The following FZD4 variants were observed in gnomAD, a reference collection of about 807,000 sequenced individuals.
The protein encoded by FZD4 is frizzled class receptor 4.
Under a neutral mutation model 37.3 loss-of-function variants are expected in FZD4, and 16 were observed. That is an observed-to-expected ratio of 0.43 (90% CI 0.29 to 0.65). FZD4 has a LOEUF of 0.65. Among genes scored for constraint, FZD4 ranks in the 30% least tolerant of loss-of-function variants. The pLI is 0.16. For missense variants in FZD4, 599 were observed against 674.3 expected, an observed-to-expected ratio of 0.89 and a Z score of 1.24; for synonymous variants, 246 against 254.8, an observed-to-expected ratio of 0.97 and a Z score of 0.33.
chr11:86,948,803 CATT>C lies in FZD4; in HGVS notation c.*2336_*2338del, dbSNP rs1949265383. ...TGCCTTGGTCACACAATCACTGACA[CATT>C]ATGAAGAAAACTGCATTACAAACCT... On this transcript the variant is annotated 3_prime_UTR_variant, in exon 2 of 2. Coordinates refer to ENST00000531380, the MANE Select transcript of FZD4 (RefSeq NM_012193.4). The C allele has an allele frequency of 6.6e-6, 1 of 152,512 alleles. No homozygotes were observed. The highest frequency in any genetic ancestry group is 1.9e-4 in the East Asian group (1 of 5,190). 9.4% of individuals were successfully genotyped at this position (152,512 alleles called of 1,614,324 possible). A position where few individuals can be genotyped will look rare whatever the true frequency, so the allele number is the denominator to read the frequency against.
In FZD4 at chr11:86,951,219, T is replaced by G; in HGVS notation, c.1537A>C (p.Asn513His). The change falls in exon 2 of 2, where the codon AAT (asparagine) becomes CAT (histidine). Residue 513 changes from asparagine to histidine, a missense_variant. Physicochemically the swap from Asn to His is moderately conservative, Grantham distance 68 (BLOSUM62 1). Transcript: ENST00000531380. Reference protein sequence around the residue: ...TWQKCSNRLVNSGKVKREKRG... With the variant: ...TWQKCSNRLVHSGKVKREKRG... Reference sequence around the variant, plus strand: ...TTCTCTCTCTTTACCTTTCCAGAATTCACCAATCTGTTGGAACACTTCTGC... The same window carrying G: ...TTCTCTCTCTTTACCTTTCCAGAATGCACCAATCTGTTGGAACACTTCTGC... 6.2e-7 allele frequency: 1 copy of G among 1,614,086 alleles called. No individual in the cohort carries two copies. Among genetic ancestry groups the G allele is most frequent in the Non-Finnish European group, 8.5e-7 (1 of 1,179,952 alleles).
At chr11:86,954,165 A>AT (rs1949317217) in intron 1 of FZD4, 1 of 842,162 alleles carries the variant, frequency 1.2e-6, no homozygotes, top group Non-Finnish European at 1.4e-6. Flanking sequence ...TATGCTTTAC[A>AT]TTTTTTAATG....
rs532417375 is a variant in FZD4 at position 86,955,097 on chromosome 11, G to T, written c.-12C>A. The T allele has an allele frequency of 8.5e-4, 1,268 of 1,486,708 alleles. 22 individuals are homozygous for T. In the South Asian group the frequency reaches 0.016, roughly 19 times the overall value. The allele number at this position is 1,486,708 out of a possible 1,614,324, so 92.1% of individuals were successfully genotyped here. ...CCCCGCCAGGCCATGGCCAGCATCGGGGGTAGCAGCGGCAGCGGCTGGGGC... is the reference window on the plus strand; with the variant it reads ...CCCCGCCAGGCCATGGCCAGCATCGTGGGTAGCAGCGGCAGCGGCTGGGGC... On this transcript the variant is annotated 5_prime_UTR_variant, in exon 1 of 2. Transcript: ENST00000531380.
At chr11:86,953,687 G>A (rs1006052830) in intron 1 of FZD4, among the ~76,000 whole-genome samples, 13 of 151,792 alleles carry the variant, frequency 8.6e-5, no homozygotes, top group East Asian at 5.8e-4. Flanking sequence ...TGCAATCCCC[G>A]CTCACTGCAA....
chr11:86,951,630 A>C lies in FZD4; in HGVS notation c.1126T>G (p.Leu376Val), dbSNP rs562056288. The change falls in exon 2 of 2, where the codon TTG (leucine) becomes GTG (valine). Residue 376 changes from leucine (L) to valine (V), a missense_variant. Physicochemically the swap from Leu to Val is conservative, Grantham distance 32. Transcript: ENST00000531380. Reference protein sequence around the residue: ...RLVDADELTGLCYVGNQNLDA... With the variant: ...RLVDADELTGVCYVGNQNLDA... The stretch of plus-strand genomic sequence containing the variant: ...AGATTTTGGTTTCCAACATAGCACA[A>C]GCCAGTCAGTTCATCTGCATCCACC... The C allele has an allele frequency of 6.2e-7, 1 of 1,614,208 alleles. No homozygotes were observed. The highest frequency in any genetic ancestry group is 1.3e-5 in the African/African-American group (1 of 75,060).
Position 86,946,549 on chromosome 11 carries a change from C to T in FZD4, c.*4593G>A, listed in dbSNP as rs1949244517. The T allele has an allele frequency of 6.6e-6, 1 of 152,276 alleles. No homozygotes were observed. The highest frequency in any genetic ancestry group is 2.1e-4 in the South Asian group (1 of 4,824). 9.4% of individuals were successfully genotyped at this position (152,276 alleles called of 1,614,324 possible). A position where few individuals can be genotyped will look rare whatever the true frequency, so the allele number is the denominator to read the frequency against. On this transcript the variant is annotated 3_prime_UTR_variant, in exon 2 of 2. Transcript: ENST00000531380. ...CGGGGGATCTGTAAGTCATTTGTCT[C>T]CTGGTACTGTCAAGTGTGTAATCAC...
chr11:86,951,306 A>T lies in FZD4; in HGVS notation c.1450T>A (p.Ser484Thr). ...CCTGAAGTGATGCCCACCAACAAAG[A>T]CATAAAAATTTTCAACATTTCAACA... ...MAVEMLKIFM[S>T]LLVGITSGMW... is the part of the protein sequence containing the mutation. Residue 484 changes from serine to threonine, a missense_variant, in exon 2 of 2, where the codon TCT becomes ACT. Physicochemically the swap from Ser to Thr is moderately conservative, Grantham distance 58. This residue lies in a region of FZD4 where 203 missense variants were observed against 196.8 expected (regional missense o/e 1.03). Transcript: ENST00000531380. 1.9e-6 allele frequency: 3 copies of T among 1,614,186 alleles called. No individual in the cohort carries two copies. The highest frequency in any genetic ancestry group is 2.5e-6 in the Non-Finnish European group (3 of 1,180,008).
chr11:86,953,818 T>C (rs1400265826), intron 1 of FZD4, among the ~76,000 whole-genome samples: 2 of 152,168 alleles, frequency 1.3e-5, no homozygotes, highest in African/African-American at 2.4e-5. Flanking sequence ...GATTTCGCCA[T>C]GTTGGTCAGG....
Position 86,950,981 on chromosome 11 carries a change from ATGC to A in FZD4, c.*158_*160del. 1 of 743,510 alleles carries A rather than the reference ATGC, an allele frequency of 1.3e-6. No individual in the cohort carries two copies. The highest frequency in any genetic ancestry group is 2.3e-6 in the Non-Finnish European group (1 of 435,328). 46.1% of individuals were successfully genotyped at this position (743,510 alleles called of 1,614,324 possible). ...CTGCAGCAAAATCATTGGTTTTTTG[ATGC>A]TGGGGTCGGGGTGGGAGGCAGTGGG... On this transcript the variant is annotated 3_prime_UTR_variant, in exon 2 of 2. Transcript: ENST00000531380.
chr11:86,954,765 AG>A, intron 1 of FZD4, 35 bp downstream of exon 1: 1 of 1,568,428 alleles, frequency 6.4e-7, no homozygotes, highest in Non-Finnish European at 8.6e-7. Context: ...TCCCTCCCCA[AG>A]GGGTCCCGCC....
rs1949261930 is a variant in FZD4 at position 86,948,392 on chromosome 11, T to C, written c.*2750A>G. 6.6e-6 allele frequency: 1 copy of C among 152,060 alleles called. No homozygotes were observed. Among genetic ancestry groups the C allele is most frequent in the South Asian group, 2.1e-4 (1 of 4,816 alleles). The allele number at this position is 152,060 out of a possible 1,614,324, so 9.4% of individuals were successfully genotyped here. A position where few individuals can be genotyped will look rare whatever the true frequency, so the allele number is the denominator to read the frequency against. On this transcript the variant is annotated 3_prime_UTR_variant, in exon 2 of 2. Transcript: ENST00000531380. ...GTCGGCACTCAATAAATAAAATAAC[T>C]GATTTTTTTAACAAATACCGATTTA... is the stretch of plus-strand genomic sequence containing the variant.
Position 86,947,995 on chromosome 11 carries a change from C to T in FZD4, c.*3147G>A, listed in dbSNP as rs1658827007. 1 of 152,240 alleles carries T rather than the reference C, an allele frequency of 6.6e-6. No homozygotes were observed. Among genetic ancestry groups the T allele is most frequent in the South Asian group, 2.1e-4 (1 of 4,832 alleles). The allele number at this position is 152,240 out of a possible 1,614,324, so 9.4% of individuals were successfully genotyped here. On this transcript the variant is annotated 3_prime_UTR_variant, in exon 2 of 2. Coordinates refer to ENST00000531380, the MANE Select transcript of FZD4 (RefSeq NM_012193.4). ...CAAGTCACATGGAATACCCCAAGCC[C>T]TGAATTGCCGGCAAAGCCAAAGCAG... is the stretch of plus-strand genomic sequence containing the variant.
At position 86,955,370 on chromosome 11, in the gene FZD4, C is replaced by T; in HGVS notation, c.-285G>A. 1 of 321,030 alleles carries T rather than the reference C, an allele frequency of 3.1e-6. No homozygotes were observed. The highest frequency in any genetic ancestry group is 5.1e-5 in the East Asian group (1 of 19,482). The allele number at this position is 321,030 out of a possible 1,614,324, so 19.9% of individuals were successfully genotyped here. ...CCGTTCGGCGTCTCCGCGAGGCCAG[C>T]CAGCAGCCAGCGCTGCGCAGCTCTC... On this transcript the variant is annotated 5_prime_UTR_variant, in exon 1 of 2. Transcript: ENST00000531380.
At chr11:86,954,746 T>C in intron 1 of FZD4, 55 bp downstream of exon 1, 1 of 1,543,776 alleles carries the variant, frequency 6.5e-7, no homozygotes, top group Non-Finnish European at 8.7e-7. Context: ...GCAAAGTTAG[T>C]TTGGAGCGTC....
rs556037440 is a variant in FZD4 at position 86,947,894 on chromosome 11, T to C, written c.*3248A>G. The C allele has an allele frequency of 1.3e-5, 2 of 152,280 alleles. No homozygotes were observed. The highest frequency in any genetic ancestry group is 2.1e-4 in the South Asian group (1 of 4,822). 9.4% of individuals were successfully genotyped at this position (152,280 alleles called of 1,614,324 possible). A position where few individuals can be genotyped will look rare whatever the true frequency, so the allele number is the denominator to read the frequency against. ...CTGAGGAAGCTACAATCATACCCATTTACTGTAGGTTTCAGAGAAAGAAAA... is the reference window on the plus strand; with the variant it reads ...CTGAGGAAGCTACAATCATACCCATCTACTGTAGGTTTCAGAGAAAGAAAA... On this transcript the variant is annotated 3_prime_UTR_variant, in exon 2 of 2. Transcript: ENST00000531380.
rs759772249 is a variant in FZD4, at chr11:86,951,954, C to G, written c.802G>C (p.Ala268Pro). The G allele has an allele frequency of 1.2e-6, 2 of 1,613,728 alleles. No homozygotes were observed. The highest frequency in any genetic ancestry group is 1.7e-6 in the Non-Finnish European group (2 of 1,179,732). The change falls in exon 2 of 2, where the codon GCT becomes CCT. Residue 268 changes from alanine (A) to proline (P), a missense_variant. Ala to Pro is a conservative substitution (Grantham distance 27). This residue lies in a region of FZD4 where 357 missense variants were observed against 396.1 expected (regional missense o/e 0.90). Transcript: ENST00000531380. ...CCTACAGTCAGCCTGACAATATAAGCAATGCTATAAATATTATAGCACATA... is the reference window on the plus strand; with the variant it reads ...CCTACAGTCAGCCTGACAATATAAGGAATGCTATAAATATTATAGCACATA... ...LSMCYNIYSI[A>P]YIVRLTVGRE...
chr11:86,955,336 C>T lies in FZD4; in HGVS notation c.-251G>A. On this transcript the variant is annotated 5_prime_UTR_variant, in exon 1 of 2. Coordinates refer to ENST00000531380, the MANE Select transcript of FZD4 (RefSeq NM_012193.4). ...AGGCGGCGAGCCCACAAGCCGGCGC[C>T]GGCCGCGTCCGTTCGGCGTCTCCGC... is the stretch of plus-strand genomic sequence containing the variant. 1 of 380,620 alleles carries T rather than the reference C, an allele frequency of 2.6e-6. No homozygotes were observed. The highest frequency in any genetic ancestry group is 4.6e-6 in the Non-Finnish European group (1 of 215,318). 23.6% of individuals were successfully genotyped at this position (380,620 alleles called of 1,614,324 possible).
In FZD4 at chr11:86,951,419, A is replaced by C; in HGVS notation, c.1337T>G (p.Val446Gly). The C allele has an allele frequency of 6.2e-7, 1 of 1,612,876 alleles. No homozygotes were observed. The highest frequency in any genetic ancestry group is 8.5e-7 in the Non-Finnish European group (1 of 1,178,804). The change falls in exon 2 of 2, where the codon GTT becomes GGT. Residue 446 changes from valine (V) to glycine (G), a missense_variant. Physicochemically the swap from Val to Gly is moderately radical, Grantham distance 109. Coordinates refer to ENST00000531380, the MANE Select transcript of FZD4 (RefSeq NM_012193.4). ...ACAGGCAATCACACACGTTGCAGGA[A>C]CTGTGTACAGTACTGAGAACACCCC... Reference protein sequence around the residue: ...KIGVFSVLYTVPATCVIACYF... With the variant: ...KIGVFSVLYTGPATCVIACYF...
At chr11:86,954,321 T>C in intron 1 of FZD4, 2 of 985,310 alleles carry the variant, frequency 2.0e-6, no homozygotes, top group African/African-American at 1.7e-5. Context: ...TCTAAAACGC[T>C]GCGGGACGTC....
Sources: allele counts gnomAD v4.1 joint callset (sites outside exome capture counted in the v4.1 genomes callset), GRCh38; gene constraint gnomAD v4.1.1; regional missense constraint gnomAD v4.1.1; transcripts MANE v1.5; gene names NCBI Gene and HGNC (gene_info 2026-07-23, HGNC 2026-07-21).